JAZF1: variants seen among roughly 807,000 people sequenced by gnomAD.
JAZF1 encodes the protein JAZF zinc finger 1, also known as juxtaposed with another zinc finger protein 1.
In JAZF1, 8 loss-of-function variants were observed where a neutral mutation model predicts 26.4. The observed-to-expected ratio is 0.30, with a 90% CI of 0.18 to 0.55. The LOEUF is 0.55. JAZF1 is among the 20% of genes least tolerant of loss of function. The pLI is 0.94. For synonymous variants in JAZF1, 126 were observed against 122.3 expected (o/e 1.03, Z -0.20); for missense variants, 199 against 322.0 (o/e 0.62, Z 2.92).
intron 1 of JAZF1, among the ~76,000 whole-genome samples, chr7:28,060,732 G>A (rs1406436906): frequency 6.6e-6 from 1 of 152,192 alleles, no homozygotes; most frequent in Non-Finnish European, 1.5e-5. Context: ...CAGTTCCATG[G>A]TGGGAGGAGC....
At chr7:27,854,357 A>G (rs759964763) in intron 3 of JAZF1, among the ~76,000 whole-genome samples, 5 of 152,224 alleles carry the variant, frequency 3.3e-5, no homozygotes, top group Non-Finnish European at 7.3e-5. Flanking sequence ...TGGGGCATTC[A>G]GCCTGTTTGC....
chr7:28,180,512 G>T lies in JAZF1; in HGVS notation c.66C>A (p.His22Gln). The T allele has an allele frequency of 6.2e-7, 1 of 1,611,102 alleles. No homozygotes were observed. The highest frequency in any genetic ancestry group is 1.1e-5 in the South Asian group (1 of 90,900). Residue 22 changes from histidine to glutamine, a missense_variant, in exon 1 of 5, where the codon CAC (histidine) becomes CAA (glutamine). Around this residue, in one of 2 missense-constraint regions of JAZF1, gnomAD observed 137 missense variants for 184.8 expected, o/e 0.74. Transcript: ENST00000283928. ...CGATGAGGTCGGCCAGGGTGGGGAA[G>T]TGGAGTCCGCAGCCCCCGAATCGGC... is the stretch of plus-strand genomic sequence containing the variant. ...NTCRFGGCGL[H>Q]FPTLADLIEH...
intron 1 of JAZF1, among the ~76,000 whole-genome samples, chr7:28,071,278 A>T (rs1783971811): frequency 6.6e-6 from 1 of 152,204 alleles, no homozygotes; most frequent in Non-Finnish European, 1.5e-5. Context: ...ACGTTATGAA[A>T]AGAGCTCATC....
At chr7:27,896,583 A>G (rs186374711) in intron 2 of JAZF1, among the ~76,000 whole-genome samples, 41 of 152,304 alleles carry the variant, frequency 2.7e-4, no homozygotes, top group African/African-American at 9.4e-4. Flanking sequence ...TAAACATGGT[A>G]TTTCACCTAA....
At chr7:28,097,749 G>A (rs915902067) in intron 1 of JAZF1, among the ~76,000 whole-genome samples, 21 of 152,128 alleles carry the variant, frequency 1.4e-4, no homozygotes, top group Non-Finnish European at 2.8e-4. Flanking sequence ...AAAGAAAGGT[G>A]GCAGCCACAG....
intron 1 of JAZF1, among the ~76,000 whole-genome samples, chr7:28,123,308 C>A (rs2127938762): frequency 6.6e-6 from 1 of 152,312 alleles, no homozygotes; most frequent in South Asian, 2.1e-4. Context: ...CTCAGTTCAA[C>A]CAGCAAAGCC....
intron 1 of JAZF1, among the ~76,000 whole-genome samples, chr7:28,013,873 T>C (rs1782839566): frequency 6.6e-6 from 1 of 152,118 alleles, no homozygotes; most frequent in Non-Finnish European, 1.5e-5. Context: ...TCCACTACTA[T>C]TCAGAATTAG....
At chr7:27,938,455 T>A (rs934729702) in intron 2 of JAZF1, among the ~76,000 whole-genome samples, 3 of 152,226 alleles carry the variant, frequency 2.0e-5, no homozygotes, top group African/African-American at 7.2e-5. Flanking sequence ...CCTGTAGCGA[T>A]TTCATGGAGG....
intron 1 of JAZF1, among the ~76,000 whole-genome samples, chr7:28,090,817 G>GTTTTTTTTTTTTTTT (rs11367530): frequency 2.0e-5 from 2 of 101,808 alleles, no homozygotes; most frequent in Admixed American, 1.1e-4. Flanking sequence ...TTTTTTAGTT[G>GTTTTTTTTTTTTTTT]TTTTTTTTTT....
At chr7:27,915,856 A>G (rs2128346653) in intron 2 of JAZF1, among the ~76,000 whole-genome samples, 1 of 152,346 alleles carries the variant, frequency 6.6e-6, no homozygotes, top group South Asian at 2.1e-4. Context: ...TGATTTATTG[A>G]CTTATTCAAG....
intron 1 of JAZF1, among the ~76,000 whole-genome samples, chr7:28,016,875 G>T (rs1278621953): frequency 6.6e-6 from 1 of 152,152 alleles, no homozygotes; most frequent in African/African-American, 2.4e-5. Flanking sequence ...TAGAAATATG[G>T]CAGTGAATGA....
intron 3 of JAZF1, among the ~76,000 whole-genome samples, chr7:27,875,549 TG>T (rs1783664397): frequency 6.6e-6 from 1 of 152,306 alleles, no homozygotes; most frequent in East Asian, 1.9e-4. Context: ...CTCACACTCC[TG>T]TTTTTTCTCT....
At chr7:27,969,479 G>C (rs1785336903) in intron 2 of JAZF1, among the ~76,000 whole-genome samples, 1 of 152,006 alleles carries the variant, frequency 6.6e-6, no homozygotes, top group Non-Finnish European at 1.5e-5. Flanking sequence ...CACGTTTATG[G>C]CCTTAGCAAC....
chr7:27,998,945 C>T (rs1263743522), intron 1 of JAZF1, among the ~76,000 whole-genome samples: 1 of 152,200 alleles, frequency 6.6e-6, no homozygotes, highest in African/African-American at 2.4e-5. Context: ...CTTGTAGAAT[C>T]ATCAATGACT....
intron 1 of JAZF1, among the ~76,000 whole-genome samples, chr7:27,994,037 AT>A (rs1785960757): frequency 6.6e-6 from 1 of 152,154 alleles, no homozygotes; most frequent in Admixed American, 6.5e-5. Context: ...AAATTATATA[AT>A]TTCTAAAATG....
At chr7:28,009,473 T>C (rs1473826275) in intron 1 of JAZF1, among the ~76,000 whole-genome samples, 1 of 151,810 alleles carries the variant, frequency 6.6e-6, no homozygotes, top group Non-Finnish European at 1.5e-5. Context: ...TGATGTACCC[T>C]GATAATACCA....
intron 1 of JAZF1, among the ~76,000 whole-genome samples, chr7:28,004,383 A>G (rs1782664264): frequency 1.3e-5 from 2 of 151,392 alleles, no homozygotes; most frequent in Non-Finnish European, 2.9e-5. Context: ...ACTGCCCATT[A>G]TTATCACCTG....
intron 1 of JAZF1, among the ~76,000 whole-genome samples, chr7:28,130,326 C>A (rs914848844): frequency 2.6e-5 from 4 of 152,136 alleles, no homozygotes; most frequent in Admixed American, 6.5e-5. Flanking sequence ...GACCCTCCCC[C>A]CAACAAAAAT....
intron 1 of JAZF1, among the ~76,000 whole-genome samples, chr7:28,155,849 T>G (rs1783176408): frequency 6.6e-6 from 1 of 152,244 alleles, no homozygotes; most frequent in African/African-American, 2.4e-5. Flanking sequence ...TAACCCTGCT[T>G]CTTCCTGGGA....
Sources: allele counts gnomAD v4.1 joint callset (sites outside exome capture counted in the v4.1 genomes callset), GRCh38; gene constraint gnomAD v4.1.1; regional missense constraint gnomAD v4.1.1; transcripts MANE v1.5; gene names NCBI Gene and HGNC (gene_info 2026-07-23, HGNC 2026-07-21).